Variants in IGF2BP3 observed in about 807,000 individuals in gnomAD.
IGF2BP3 encodes the protein insulin-like growth factor 2 mRNA-binding protein 3.
A neutral mutation model predicts 73.8 loss-of-function variants in IGF2BP3; 9 were observed. That is an observed-to-expected ratio of 0.12 (90% CI 0.07 to 0.21). The LOEUF (loss-of-function observed/expected upper bound fraction) is 0.21. Among genes scored for constraint, IGF2BP3 ranks in the 10% least tolerant of loss-of-function variants. IGF2BP3 has a pLI of 1.00. For synonymous variants in IGF2BP3, 258 were observed against 256.7 expected, an observed-to-expected ratio of 1.01 and a Z score of -0.05; for missense variants, 542 against 714.0, an observed-to-expected ratio of 0.76 and a Z score of 2.75.
At chr7:23,389,158 CTTTTT>C (rs141188772) in intron 3 of IGF2BP3, among the ~76,000 whole-genome samples, 87 of 145,074 alleles carry the variant, frequency 6.0e-4, no homozygotes, top group Admixed American at 1.0e-3. Flanking sequence ...GAATTATTCC[CTTTTT>C]TTTTTTTTTT....
intron 3 of IGF2BP3, among the ~76,000 whole-genome samples, chr7:23,372,321 C>G (rs564393111): frequency 2.0e-5 from 3 of 152,072 alleles, no homozygotes; most frequent in Non-Finnish European, 2.9e-5. Context: ...GATCTGCCCC[C>G]CCTGGCCTCC....
chr7:23,335,073 TAAAAAAA>T (rs5882898), intron 10 of IGF2BP3, among the ~76,000 whole-genome samples: 5 of 69,184 alleles, frequency 7.2e-5, no homozygotes, highest in South Asian at 1.1e-3. Flanking sequence ...TCTTTAACAT[TAAAAAAA>T]AAAAAAAAAA....
chr7:23,418,914 T>C (rs1375264862), intron 2 of IGF2BP3, 90 bp from the exon 3 acceptor site: 42 of 792,626 alleles, frequency 5.3e-5, no homozygotes, highest in Non-Finnish European at 8.1e-5. Flanking sequence ...CTACTTAAAA[T>C]ATTAACTCTA....
rs2128553755 is a variant in IGF2BP3, at chr7:23,470,038, C to T, written c.73G>A (p.Ala25Thr). The T allele has an allele frequency of 6.2e-7, 1 of 1,612,312 alleles. No individual in the cohort carries two copies. Among genetic ancestry groups the T allele is most frequent in the East Asian group, 2.2e-5 (1 of 44,844 alleles). The change falls in exon 1 of 15, where the codon GCC (alanine) becomes ACC (threonine). Residue 25 changes from alanine (A) to threonine (T), a missense_variant. By Grantham distance (58) the Ala-to-Thr change is moderately conservative. Transcript: ENST00000258729. ...AAGGGTCCCGACACCGGGATCTTGG[C>T]GTCCTTGAAGATACTTTCTAGGTCC... Reference protein sequence around the residue: ...PSDLESIFKDAKIPVSGPFLV... With the variant: ...PSDLESIFKDTKIPVSGPFLV...
chr7:23,407,961 G>GT (rs1786895635), intron 3 of IGF2BP3, among the ~76,000 whole-genome samples: 2 of 41,922 alleles, frequency 4.8e-5, no homozygotes, highest in African/African-American at 3.5e-4. Flanking sequence ...GGCGGGGGGC[G>GT]GGGGGGGGGG....
intron 2 of IGF2BP3, among the ~76,000 whole-genome samples, chr7:23,457,987 C>A (rs565641263): frequency 2.6e-5 from 4 of 152,276 alleles, no homozygotes; most frequent in African/African-American, 9.6e-5. Context: ...CAAAAGAGAA[C>A]AAAGATCTTC....
chr7:23,328,906 T>A (rs1039938091), intron 10 of IGF2BP3, among the ~76,000 whole-genome samples: 1 of 151,818 alleles, frequency 6.6e-6, no homozygotes, highest in African/African-American at 2.4e-5. Context: ...GTAAAAAAAA[T>A]GTAGTAAAAA....
chr7:23,409,158 C>A (rs1253561558), intron 3 of IGF2BP3, among the ~76,000 whole-genome samples: 1 of 152,198 alleles, frequency 6.6e-6, no homozygotes, highest in African/African-American at 2.4e-5. Flanking sequence ...AATGCTCGCT[C>A]ACTTGCCACT....
At chr7:23,387,994 G>A (rs908664585) in intron 3 of IGF2BP3, among the ~76,000 whole-genome samples, 14 of 152,144 alleles carry the variant, frequency 9.2e-5, no homozygotes, top group South Asian at 2.1e-4. Context: ...TGGATGAAGT[G>A]CAGTGGTGTG....
intron 10 of IGF2BP3, among the ~76,000 whole-genome samples, chr7:23,320,560 GATA>G (rs1235736033): frequency 6.7e-6 from 1 of 149,184 alleles, no homozygotes; most frequent in African/African-American, 2.5e-5. Context: ...CACTTCCAAG[GATA>G]AGCTAGTTCC....
At chr7:23,446,487 G>A (rs1788067717) in intron 2 of IGF2BP3, among the ~76,000 whole-genome samples, 1 of 152,124 alleles carries the variant, frequency 6.6e-6, no homozygotes, top group Admixed American at 6.6e-5. Flanking sequence ...AACCCAGGAG[G>A]CAGAGGTGGC....
At chr7:23,455,474 T>A (rs1356707314) in intron 2 of IGF2BP3, among the ~76,000 whole-genome samples, 2 of 152,238 alleles carry the variant, frequency 1.3e-5, no homozygotes, top group African/African-American at 4.8e-5. Flanking sequence ...CTAAGCCTAA[T>A]AATGCTCCCT....
At chr7:23,313,005 A>G (rs1355285675) in intron 13 of IGF2BP3, among the ~76,000 whole-genome samples, 157 bp from the exon 14 acceptor site, 1 of 152,242 alleles carries the variant, frequency 6.6e-6, no homozygotes, top group East Asian at 1.9e-4. Flanking sequence ...CCCCACTTCA[A>G]GATGATTAAG....
intron 6 of IGF2BP3, among the ~76,000 whole-genome samples, chr7:23,350,333 T>C (rs767319960): frequency 5.9e-5 from 9 of 152,240 alleles, no homozygotes; most frequent in Admixed American, 3.3e-4. Context: ...AAAAATAATC[T>C]TGCCACTTCT....
chr7:23,410,586 A>G (rs1248137961), intron 3 of IGF2BP3, among the ~76,000 whole-genome samples: 1 of 152,186 alleles, frequency 6.6e-6, no homozygotes, highest in Non-Finnish European at 1.5e-5. Flanking sequence ...CTAGTGATGT[A>G]AAGTCTGGCC....
chr7:23,389,929 C>T (rs140149105), intron 3 of IGF2BP3, among the ~76,000 whole-genome samples: 1 of 151,906 alleles, frequency 6.6e-6, no homozygotes, highest in Non-Finnish European at 1.5e-5. Context: ...TGAGCCGTGA[C>T]TGAGCCAGTA....
intron 6 of IGF2BP3, 51 bp from the exon 7 acceptor site, chr7:23,347,785 C>A (rs1784870516): frequency 6.2e-7 from 1 of 1,609,450 alleles, no homozygotes. Flanking sequence ...AGCGTGTATT[C>A]ACAGTGGAGT....
intron 6 of IGF2BP3, among the ~76,000 whole-genome samples, chr7:23,348,763 C>A (rs1414236300): frequency 6.6e-6 from 1 of 152,018 alleles, no homozygotes; most frequent in African/African-American, 2.4e-5. Flanking sequence ...GGGGTTGGGG[C>A]AGAGAGATGA....
intron 10 of IGF2BP3, among the ~76,000 whole-genome samples, chr7:23,320,860 G>A (rs1057143387): frequency 1.3e-5 from 2 of 149,756 alleles, no homozygotes; most frequent in African/African-American, 5.0e-5. Context: ...TGAGATGGGA[G>A]GATCACTTGA....
Sources: gnomAD v4.1 joint callset for allele counts (sites outside exome capture counted in the v4.1 genomes callset) on GRCh38, gnomAD v4.1.1 for gene constraint, MANE v1.5 for transcripts, NCBI Gene and HGNC (gene_info 2026-07-23, HGNC 2026-07-21) for gene names.